The following GALNTL6 variants were observed in gnomAD, a reference collection of about 807,000 sequenced individuals.
The protein encoded by GALNTL6 is polypeptide N-acetylgalactosaminyltransferase-like 6.
Under a neutral mutation model 73.7 loss-of-function variants are expected in GALNTL6, and 46 were observed. The ratio of observed to expected loss-of-function variants is 0.62; its 90% CI spans 0.49 to 0.80. The LOEUF is 0.80. Among genes scored for constraint, GALNTL6 ranks in the 30% least tolerant of loss-of-function variants. GALNTL6 has a pLI of 0.00. For synonymous variants in GALNTL6, 259 were observed against 263.7 expected, an observed-to-expected ratio of 0.98 and a Z score of 0.17; for missense variants, 604 against 755.0, an observed-to-expected ratio of 0.80 and a Z score of 2.34.
At chr4:172,791,041 A>G (rs1739970164) in intron 5 of GALNTL6, among the ~76,000 whole-genome samples, 1 of 152,228 alleles carries the variant, frequency 6.6e-6, no homozygotes, top group Non-Finnish European at 1.5e-5. Context: ...ATACAGAACC[A>G]TGGAATTCAT....
intron 5 of GALNTL6, among the ~76,000 whole-genome samples, chr4:172,635,137 T>C (rs1419810159): frequency 2.0e-5 from 3 of 152,212 alleles, no homozygotes; most frequent in Non-Finnish European, 4.4e-5. Context: ...TATCACACTT[T>C]AGAATATAAC....
chr4:172,397,975 C>A (rs886495172), intron 5 of GALNTL6, among the ~76,000 whole-genome samples: 2 of 152,022 alleles, frequency 1.3e-5, no homozygotes, highest in Admixed American at 1.3e-4. Flanking sequence ...TTCTGTCCTT[C>A]TTTGGATTCT....
chr4:172,959,103 G>C (rs1343795861), intron 10 of GALNTL6, among the ~76,000 whole-genome samples: 2 of 152,118 alleles, frequency 1.3e-5, no homozygotes, highest in Non-Finnish European at 2.9e-5. Flanking sequence ...AGTGCGCTGC[G>C]GGATGGGATA....
At chr4:172,016,285 TTTGA>T (rs1011652840) in intron 2 of GALNTL6, among the ~76,000 whole-genome samples, 1 of 151,992 alleles carries the variant, frequency 6.6e-6, no homozygotes, top group African/African-American at 2.4e-5. Flanking sequence ...TTTATCTTTG[TTTGA>T]TTGGGTTAAT....
intron 5 of GALNTL6, among the ~76,000 whole-genome samples, chr4:172,752,756 T>C (rs1007197711): frequency 6.6e-5 from 10 of 152,142 alleles, no homozygotes; most frequent in Admixed American, 5.2e-4. Flanking sequence ...CTTTTTATTA[T>C]AAAACTGTGT....
At chr4:172,828,764 G>A (rs148027895) in intron 7 of GALNTL6, among the ~76,000 whole-genome samples, 7 of 152,240 alleles carry the variant, frequency 4.6e-5, no homozygotes, top group African/African-American at 1.4e-4. Context: ...AAGGAACCAG[G>A]CTAAAGTCCA....
intron 5 of GALNTL6, among the ~76,000 whole-genome samples, chr4:172,573,698 G>C (rs1736852993): frequency 1.3e-5 from 2 of 152,088 alleles, no homozygotes; most frequent in African/African-American, 2.4e-5. Flanking sequence ...AGAGCTCAGG[G>C]CAGATACTCT....
chr4:172,876,539 G>T (rs1244929608), intron 7 of GALNTL6, among the ~76,000 whole-genome samples: 1 of 152,142 alleles, frequency 6.6e-6, no homozygotes, highest in East Asian at 1.9e-4. Flanking sequence ...ATACCCTGGG[G>T]TATGAGTGCA....
intron 8 of GALNTL6, among the ~76,000 whole-genome samples, chr4:172,897,130 G>A (rs994338873): frequency 6.6e-6 from 1 of 152,226 alleles, no homozygotes; most frequent in African/African-American, 2.4e-5. Context: ...AGTGGGAGGG[G>A]TGAAAGCTGA....
chr4:172,965,665 T>C (rs140688619), intron 10 of GALNTL6, among the ~76,000 whole-genome samples: 155 of 151,590 alleles, frequency 1.0e-3, no homozygotes, highest in Non-Finnish European at 1.6e-3. Context: ...ACGAGCAAAT[T>C]GGACATCTTA....
intron 2 of GALNTL6, among the ~76,000 whole-genome samples, chr4:171,988,395 C>T (rs942485179): frequency 6.6e-5 from 10 of 152,138 alleles, no homozygotes; most frequent in East Asian, 1.9e-4. Context: ...GTCTGTGAAG[C>T]CTTGCGGCAG....
chr4:172,104,578 AT>A, intron 2 of GALNTL6, among the ~76,000 whole-genome samples: 1 of 152,270 alleles, frequency 6.6e-6, no homozygotes, highest in Non-Finnish European at 1.5e-5. Flanking sequence ...TTGAAAGATT[AT>A]TTGAATAATC....
chr4:171,973,064 T>C (rs761370645), intron 2 of GALNTL6, among the ~76,000 whole-genome samples: 2 of 152,168 alleles, frequency 1.3e-5, no homozygotes, highest in Non-Finnish European at 2.9e-5. Flanking sequence ...CTTAATTCAG[T>C]TTCTATCCTC....
chr4:171,840,120 G>A (rs1735201519), intron 2 of GALNTL6, among the ~76,000 whole-genome samples: 1 of 152,128 alleles, frequency 6.6e-6, no homozygotes, highest in Non-Finnish European at 1.5e-5. Flanking sequence ...TAACCACATG[G>A]CACACAAAGT....
At position 171,943,264 on chromosome 4, in the gene GALNTL6, G is replaced by T. The variant is rs1487543638; in HGVS notation, c.138+128546G>T. ...TGGACATGATGCCCCTCGGGCACCA[G>T]ACCTCATCTGTGAGCAAGGTTTAGT... On this transcript the variant is annotated intron_variant, in intron 2 of 12. Coordinates refer to ENST00000506823, the MANE Select transcript of GALNTL6 (RefSeq NM_001034845.3). Among the ~76,000 whole-genome samples, 3 of 152,178 alleles carry T rather than the reference G, an allele frequency of 2.0e-5. No homozygotes were observed. The South Asian group carries it at 6.2e-4, about 31-fold the overall frequency.
chr4:171,965,795 G>A (rs547596859), intron 2 of GALNTL6, among the ~76,000 whole-genome samples: 1 of 152,200 alleles, frequency 6.6e-6, no homozygotes, highest in East Asian at 1.9e-4. Flanking sequence ...ACACAAGTGA[G>A]GGAATGGTGT....
chr4:172,295,245 A>T (rs1739625296), intron 3 of GALNTL6, among the ~76,000 whole-genome samples: 1 of 151,872 alleles, frequency 6.6e-6, no homozygotes, highest in African/African-American at 2.4e-5. Flanking sequence ...AATATGGCAA[A>T]ACTCTTTCTA....
chr4:172,467,847 TTTCTTTCTTTCTTTCTTTCC>T (rs1329273034), intron 5 of GALNTL6, among the ~76,000 whole-genome samples: 1 of 149,294 alleles, frequency 6.7e-6, no homozygotes, highest in Non-Finnish European at 1.5e-5. Flanking sequence ...TCTTTCTTTC[TTTCTTTCTTTCTTTCTTTCC>T]TTCTTTCCTT....
At chr4:172,911,783 TA>T (rs1747217563) in intron 8 of GALNTL6, among the ~76,000 whole-genome samples, 1 of 152,240 alleles carries the variant, frequency 6.6e-6, no homozygotes, top group Non-Finnish European at 1.5e-5. Flanking sequence ...GATATAAGCC[TA>T]GGGGCAATTA....
Sources: allele counts gnomAD v4.1 joint callset (sites outside exome capture counted in the v4.1 genomes callset), GRCh38; gene constraint gnomAD v4.1.1; transcripts MANE v1.5; gene names NCBI Gene and HGNC (gene_info 2026-07-23, HGNC 2026-07-21).